The following SMG6 variants were observed in gnomAD, a reference collection of about 807,000 sequenced individuals.
The protein encoded by SMG6 is telomerase-binding protein EST1A.
Under a neutral mutation model 142.2 loss-of-function variants are expected in SMG6, and 66 were observed. That is an observed-to-expected ratio of 0.46 (90% confidence interval 0.38 to 0.57). The LOEUF (loss-of-function observed/expected upper bound fraction) is 0.57. SMG6 is among the 20% of genes least tolerant of loss of function. SMG6 has a pLI of 0.00. For synonymous variants in SMG6, 779 were observed against 702.4 expected (o/e 1.11, Z -1.72); for missense variants, 1,793 against 1,832.0 (o/e 0.98, Z 0.39).
chr17:2,141,445 A>T (rs1371282475), intron 13 of SMG6, among the ~76,000 whole-genome samples: 1 of 152,120 alleles, frequency 6.6e-6, no homozygotes, highest in Non-Finnish European at 1.5e-5. Flanking sequence ...TTTGAGAAGG[A>T]ACTTTTTTTT....
intron 12 of SMG6, among the ~76,000 whole-genome samples, chr17:2,176,783 C>T (rs1235004359): frequency 7.2e-5 from 11 of 152,130 alleles, no homozygotes; most frequent in Admixed American, 6.5e-4. Flanking sequence ...AAGCCAGATC[C>T]GAGTTTGGGA....
intron 10 of SMG6, among the ~76,000 whole-genome samples, chr17:2,204,544 C>T (rs2072622398): frequency 6.6e-6 from 1 of 152,156 alleles, no homozygotes; most frequent in Admixed American, 6.5e-5. Flanking sequence ...GAATAATAAG[C>T]TAGATAAAGC....
intron 15 of SMG6, among the ~76,000 whole-genome samples, chr17:2,075,932 G>A (rs1196819759): frequency 1.3e-5 from 2 of 152,146 alleles, no homozygotes; most frequent in African/African-American, 2.4e-5. Flanking sequence ...ACCTCCAGTC[G>A]GCCCCACTCA....
chr17:2,248,455 A>G (rs1394450863), intron 8 of SMG6, among the ~76,000 whole-genome samples: 1 of 152,200 alleles, frequency 6.6e-6, no homozygotes, highest in African/African-American at 2.4e-5. Flanking sequence ...AGAGGTTTGG[A>G]ACATCTGTGC....
chr17:2,273,125 T>C (rs1409010030), intron 8 of SMG6, among the ~76,000 whole-genome samples: 1 of 152,176 alleles, frequency 6.6e-6, no homozygotes, highest in African/African-American at 2.4e-5. Context: ...CTCATTCAGC[T>C]ATGAGTTATA....
intron 8 of SMG6, among the ~76,000 whole-genome samples, chr17:2,261,934 CAA>C (rs1196997602): frequency 6.6e-6 from 1 of 152,110 alleles, no homozygotes; most frequent in Non-Finnish European, 1.5e-5. Context: ...GAAAACCTGC[CAA>C]AGACATTCCT....
intron 14 of SMG6, among the ~76,000 whole-genome samples, chr17:2,083,620 G>A (rs999131328): frequency 6.6e-6 from 1 of 152,228 alleles, no homozygotes; most frequent in Non-Finnish European, 1.5e-5. Flanking sequence ...GGCCCAGGCC[G>A]TGGAAAGAAG....
intron 13 of SMG6, among the ~76,000 whole-genome samples, chr17:2,169,428 A>T (rs779056313): frequency 3.9e-5 from 6 of 152,100 alleles, no homozygotes; most frequent in Non-Finnish European, 8.8e-5. Flanking sequence ...TACTCAGGAG[A>T]TGTTATTTTC....
intron 10 of SMG6, among the ~76,000 whole-genome samples, chr17:2,223,441 G>A (rs1005239591): frequency 4.6e-5 from 7 of 152,104 alleles, no homozygotes; most frequent in Non-Finnish European, 7.4e-5. Context: ...CTAAATAGAC[G>A]ACAATCTGCC....
At chr17:2,273,579 G>A (rs2151361383) in intron 8 of SMG6, among the ~76,000 whole-genome samples, 1 of 152,328 alleles carries the variant, frequency 6.6e-6, no homozygotes, top group East Asian at 1.9e-4. Flanking sequence ...GTTGCAGCGA[G>A]CAGAGATTGT....
chr17:2,096,212 A>G (rs2068850883), intron 13 of SMG6, among the ~76,000 whole-genome samples: 1 of 151,814 alleles, frequency 6.6e-6, no homozygotes, highest in Non-Finnish European at 1.5e-5. Context: ...CTGGCAAATA[A>G]TTATTTATTG....
At chr17:2,226,407 C>T (rs1421249948) in intron 10 of SMG6, among the ~76,000 whole-genome samples, 2 of 151,512 alleles carry the variant, frequency 1.3e-5, no homozygotes, top group African/African-American at 2.4e-5. Context: ...AGTGAAACCC[C>T]GTCTTACTAA....
intron 13 of SMG6, among the ~76,000 whole-genome samples, chr17:2,146,350 C>CT (rs2070668264): frequency 6.6e-6 from 1 of 152,166 alleles, no homozygotes; most frequent in Admixed American, 6.5e-5. Flanking sequence ...AGACTTGACC[C>CT]TTGCCCTAGT....
intron 15 of SMG6, among the ~76,000 whole-genome samples, chr17:2,073,241 G>T (rs987719040): frequency 2.0e-5 from 3 of 151,826 alleles, no homozygotes; most frequent in Non-Finnish European, 4.4e-5. Context: ...GAGCCAACAC[G>T]CCCGGCTAAT....
At chr17:2,250,963 T>A (rs1364127065) in intron 8 of SMG6, among the ~76,000 whole-genome samples, 2 of 151,912 alleles carry the variant, frequency 1.3e-5, no homozygotes, top group African/African-American at 4.8e-5. Flanking sequence ...CAAGATAGGG[T>A]CTCTGATGCC....
intron 4 of SMG6, among the ~76,000 whole-genome samples, chr17:2,296,135 G>A (rs2075137754): frequency 6.6e-6 from 1 of 152,152 alleles, no homozygotes; most frequent in Non-Finnish European, 1.5e-5. Flanking sequence ...TGGTTCCCCA[G>A]TGCTTTCAGA....
Position 2,114,966 on chromosome 17 carries a change from A to AAATAAAAT in SMG6, c.3358-29066_3358-29065insATTTTATT, listed in dbSNP as rs1271324448. On this transcript the variant is annotated intron_variant, in intron 13 of 18. Transcript: ENST00000263073. ...TAAAATAAAATAAAAAAATGAAATG[A>AAATAAAAT]AATGAAATAAAATAAAATAAAATAA... Among the ~76,000 whole-genome samples, 3 of 76,450 alleles carry AAATAAAAT rather than the reference A, an allele frequency of 3.9e-5. No individual in the cohort carries two copies. The South Asian group carries it at 1.1e-3, about 28-fold the overall frequency. The allele number at this position is 76,450 out of a possible 152,430, so 50.2% of individuals were successfully genotyped here.
intron 10 of SMG6, among the ~76,000 whole-genome samples, chr17:2,195,607 A>C (rs1414900989): frequency 6.6e-6 from 1 of 152,214 alleles, no homozygotes; most frequent in Non-Finnish European, 1.5e-5. Flanking sequence ...TGCCTCTCTC[A>C]CTTTGGATCT....
In SMG6 at chr17:2,242,689, T is replaced by TAAAAAA. The variant is rs57079220; in HGVS notation, c.2723+1963_2723+1968dup. Among the ~76,000 whole-genome samples, 231 of 55,854 alleles carry TAAAAAA rather than the reference T, an allele frequency of 4.1e-3. 3 individuals carry two copies. Among genetic ancestry groups the TAAAAAA allele is most frequent in the Middle Eastern group, 0.027 (2 of 74 alleles). The allele number at this position is 55,854 out of a possible 152,430, so 36.6% of individuals were successfully genotyped here. On this transcript the variant is annotated intron_variant, in intron 9 of 18. Transcript: ENST00000263073. ...GTAACACAGACAGGCTCCATCTCTT[T>TAAAAAA]AAAAAAAAAAAAAAAAAAAAAAAAA...
Sources: gnomAD v4.1 joint callset for allele counts (sites outside exome capture counted in the v4.1 genomes callset) on GRCh38, gnomAD v4.1.1 for gene constraint, MANE v1.5 for transcripts, NCBI Gene and HGNC (gene_info 2026-07-23, HGNC 2026-07-21) for gene names.